GRIK4: variants seen among roughly 807,000 people sequenced by gnomAD.
The protein encoded by GRIK4 is glutamate ionotropic receptor kainate type subunit 4.
Under a neutral mutation model 104.9 loss-of-function variants are expected in GRIK4, and 40 were observed. The observed-to-expected ratio is 0.38, with a 90% CI of 0.30 to 0.50. GRIK4 has a LOEUF of 0.50. GRIK4 is among the 20% of genes least tolerant of loss of function. GRIK4 has a pLI of 0.93. For synonymous variants in GRIK4, 485 were observed against 524.9 expected (o/e 0.92, Z 1.04); for missense variants, 1,047 against 1,308.1 (o/e 0.80, Z 3.08).
chr11:120,671,215 C>A (rs1950011967), intron 3 of GRIK4, among the ~76,000 whole-genome samples: 1 of 152,130 alleles, frequency 6.6e-6, no homozygotes, highest in South Asian at 2.1e-4. Flanking sequence ...TGGGTATATA[C>A]CCAGTAATGG....
At chr11:120,593,165 G>A (rs184425080) in intron 1 of GRIK4, among the ~76,000 whole-genome samples, 1 of 143,226 alleles carries the variant, frequency 7.0e-6, no homozygotes, top group Non-Finnish European at 1.5e-5. Flanking sequence ...TGGGGCAACA[G>A]AGCCTGACTC....
At chr11:120,809,868 C>G (rs1952793045) in intron 4 of GRIK4, among the ~76,000 whole-genome samples, 1 of 152,154 alleles carries the variant, frequency 6.6e-6, no homozygotes, top group Admixed American at 6.5e-5. Flanking sequence ...GAGTTCAAGA[C>G]CAGCCTGGGC....
At chr11:120,803,287 T>A (rs1952655298) in intron 4 of GRIK4, among the ~76,000 whole-genome samples, 1 of 152,206 alleles carries the variant, frequency 6.6e-6, no homozygotes, top group Admixed American at 6.5e-5. Context: ...GGACTTGGGA[T>A]GGAATTTGAC....
At chr11:120,566,968 AT>A (rs572433053) in intron 1 of GRIK4, among the ~76,000 whole-genome samples, 2,452 of 99,658 alleles carry the variant, frequency 0.025, 33 homozygotes, top group African/African-American at 0.046. Flanking sequence ...CGGCCTCCTA[AT>A]TTTTTTTTTT....
At chr11:120,594,674 T>C (rs889963064) in intron 1 of GRIK4, among the ~76,000 whole-genome samples, 1 of 152,136 alleles carries the variant, frequency 6.6e-6, no homozygotes, top group Non-Finnish European at 1.5e-5. Context: ...TTTGTTCAGA[T>C]ATAGGGTACT....
In GRIK4 at chr11:120,629,133, T is replaced by C. The variant is rs184404457; in HGVS notation, c.-158-24552T>C. On this transcript the variant is annotated intron_variant, in intron 1 of 20. Transcript: ENST00000527524. ...TGTTGTGGAGGAGGTGGCCCAGAGA[T>C]GGGCTTCAGAGGATGGGAAGAAGTT... Among the ~76,000 whole-genome samples the C allele has an allele frequency of 1.1e-3, 166 of 152,114 alleles. 1 individual carries two copies. Among genetic ancestry groups the C allele is most frequent in the Admixed American group, 3.5e-3 (53 of 15,264 alleles).
chr11:120,828,674 A>T (rs1565377773), intron 6 of GRIK4, among the ~76,000 whole-genome samples: 2 of 152,116 alleles, frequency 1.3e-5, no homozygotes, highest in East Asian at 1.9e-4. Flanking sequence ...TGGGAAATGG[A>T]ACAACTGACT....
intron 2 of GRIK4, among the ~76,000 whole-genome samples, chr11:120,655,836 G>A (rs1242970760): frequency 2.0e-5 from 3 of 152,210 alleles, no homozygotes; most frequent in African/African-American, 7.2e-5. Flanking sequence ...GAAGTAGGAG[G>A]AGGAGCAGGT....
intron 3 of GRIK4, among the ~76,000 whole-genome samples, chr11:120,786,245 G>A (rs1366177809): frequency 6.6e-6 from 1 of 152,152 alleles, no homozygotes; most frequent in African/African-American, 2.4e-5. Flanking sequence ...CTGCATTCTT[G>A]AGTCATGGCA....
chr11:120,855,125 T>C (rs1384488450), intron 8 of GRIK4, among the ~76,000 whole-genome samples: 1 of 152,134 alleles, frequency 6.6e-6, no homozygotes, highest in Non-Finnish European at 1.5e-5. Flanking sequence ...CATTTGAGGC[T>C]CAAATAATGA....
At chr11:120,917,840 C>T (rs1592078604) in intron 13 of GRIK4, among the ~76,000 whole-genome samples, 1 of 152,194 alleles carries the variant, frequency 6.6e-6, no homozygotes, top group East Asian at 1.9e-4. Flanking sequence ...GGAATTATTT[C>T]CACCTTCCCC....
intron 16 of GRIK4, among the ~76,000 whole-genome samples, chr11:120,959,590 A>G (rs1944243668): frequency 6.6e-6 from 1 of 152,248 alleles, no homozygotes; most frequent in Non-Finnish European, 1.5e-5. Flanking sequence ...ATTGGGATGT[A>G]GATCCATACT....
intron 14 of GRIK4, among the ~76,000 whole-genome samples, chr11:120,944,628 A>C (rs1943812351): frequency 1.3e-5 from 2 of 152,190 alleles, no homozygotes; most frequent in Non-Finnish European, 2.9e-5. Context: ...GGCTTTCCTA[A>C]TCTCTACTGC....
intron 3 of GRIK4, among the ~76,000 whole-genome samples, chr11:120,786,984 C>T (rs913006171): frequency 6.6e-6 from 1 of 152,102 alleles, no homozygotes; most frequent in Non-Finnish European, 1.5e-5. Context: ...AACAAGAATA[C>T]GAAATACACA....
chr11:120,603,461 G>A (rs1948914215), intron 1 of GRIK4, among the ~76,000 whole-genome samples: 1 of 152,132 alleles, frequency 6.6e-6, no homozygotes, highest in South Asian at 2.1e-4. Flanking sequence ...TATTTTTTCA[G>A]AGCCAGTTTA....
chr11:120,522,383 G>A (rs371123427), intron 1 of GRIK4, among the ~76,000 whole-genome samples: 57 of 151,810 alleles, frequency 3.8e-4, no homozygotes, highest in African/African-American at 1.1e-3. Flanking sequence ...GTGCCGTGGC[G>A]CGACCTCAGC....
intron 3 of GRIK4, among the ~76,000 whole-genome samples, chr11:120,702,592 G>C (rs1950570725): frequency 6.6e-6 from 1 of 152,170 alleles, no homozygotes; most frequent in African/African-American, 2.4e-5. Flanking sequence ...ATGCAGAGGA[G>C]CCCATAGAGG....
At chr11:120,759,103 T>C (rs191604973) in intron 3 of GRIK4, among the ~76,000 whole-genome samples, 7 of 152,278 alleles carry the variant, frequency 4.6e-5, no homozygotes, top group Non-Finnish European at 8.8e-5. Context: ...AGGATGGCCT[T>C]CCTGTGACAC....
chr11:120,844,027 C>T (rs1171624380), intron 8 of GRIK4, among the ~76,000 whole-genome samples: 1 of 152,192 alleles, frequency 6.6e-6, no homozygotes, highest in East Asian at 1.9e-4. Flanking sequence ...TTTTCCTCCC[C>T]TGGGTTCGTT....
Sources: allele counts gnomAD v4.1 joint callset (sites outside exome capture counted in the v4.1 genomes callset), GRCh38; gene constraint gnomAD v4.1.1; transcripts MANE v1.5; gene names NCBI Gene and HGNC (gene_info 2026-07-23, HGNC 2026-07-21).